The following DPRX variants were observed in gnomAD, a reference collection of about 807,000 sequenced individuals.
The protein encoded by DPRX is divergent paired-related homeobox.
A neutral mutation model predicts 8.4 loss-of-function variants in DPRX; 11 were observed. The observed-to-expected ratio is 1.31, with a 90% CI of 0.82 to 2.17. The LOEUF (loss-of-function observed/expected upper bound fraction) is 2.17, where lower values mean the gene tolerates loss of function less well. Among genes scored for constraint, DPRX ranks in the 30% most tolerant of loss-of-function variants. The probability of loss-of-function intolerance (pLI) is 0.00; values close to 1 mark genes in which losing one functional copy is unlikely to be tolerated. For synonymous variants in DPRX, 72 were observed against 87.0 expected (o/e 0.83, Z 0.96); for missense variants, 211 against 236.7 (o/e 0.89, Z 0.71).
chr19:53,630,371 C>A (rs975986041), upstream of DPRX, among the ~76,000 whole-genome samples: 1 of 151,952 alleles, frequency 6.6e-6, no homozygotes, highest in Non-Finnish European at 1.5e-5. Context: ...ACTAGCCTAG[C>A]CAAAATCCCT....
chr19:53,620,559 T>C, the DPRX span, among the ~76,000 whole-genome samples: 11 of 151,720 alleles, frequency 7.3e-5, no homozygotes, highest in African/African-American at 2.7e-4. Flanking sequence ...GAGATGGGGT[T>C]TCACCATGTT....
In DPRX at chr19:53,634,695, TG is replaced by T; in HGVS notation, c.183+11del. 1 of 1,608,590 alleles carries T rather than the reference TG, an allele frequency of 6.2e-7. No homozygotes were observed. Among genetic ancestry groups the T allele is most frequent in the Non-Finnish European group, 8.5e-7 (1 of 1,178,298 alleles). On this transcript the variant is annotated intron_variant, in intron 2 of 2. Coordinates refer to ENST00000376650, the Ensembl canonical transcript of DPRX. The stretch of plus-strand genomic sequence containing the variant: ...CCCAACAGTACTGCAGGTTGGAAAA[TG>T]ATCCCTCTTCTCACTAAACTGCCTT...
chr19:53,610,317 C>A, the DPRX span, among the ~76,000 whole-genome samples: 1 of 96,612 alleles, frequency 1.0e-5, no homozygotes. Context: ...AAGACTCTGT[C>A]TCGAAAAAAG....
chr19:53,610,195 C>T, the DPRX span, among the ~76,000 whole-genome samples: 1 of 132,218 alleles, frequency 7.6e-6, no homozygotes, highest in Non-Finnish European at 1.6e-5. Context: ...GCATTTATGC[C>T]TGTAATCCCA....
chr19:53,601,464 C>T, the DPRX span: 140 of 400,730 alleles, frequency 3.5e-4, no homozygotes, highest in East Asian at 1.5e-3. Context: ...CTGTTGCAGT[C>T]GCATATTCAA....
chr19:53,602,684 G>T, the DPRX span, among the ~76,000 whole-genome samples: 4 of 151,838 alleles, frequency 2.6e-5, no homozygotes, highest in African/African-American at 9.7e-5. Context: ...ACAGGCGTCT[G>T]CCACCGTGCT....
At chr19:53,617,930 G>A in the DPRX span, among the ~76,000 whole-genome samples, 1 of 151,976 alleles carries the variant, frequency 6.6e-6, no homozygotes, top group South Asian at 2.1e-4. Context: ...ACGAGGTCAG[G>A]AGTTCCAGAC....
chr19:53,617,621 T>G, the DPRX span, among the ~76,000 whole-genome samples: 1 of 145,032 alleles, frequency 6.9e-6, no homozygotes, highest in East Asian at 2.0e-4. Flanking sequence ...CTCCTGTCAA[T>G]GAAGTTTTAA....
At chr19:53,609,466 C>CAAAAAAAAAA in the DPRX span, among the ~76,000 whole-genome samples, 7 of 55,486 alleles carry the variant, frequency 1.3e-4, no homozygotes, top group Admixed American at 3.1e-4. Context: ...GACTCGGTCT[C>CAAAAAAAAAA]AAAAAAAAAA....
chr19:53,623,599 T>C, the DPRX span, among the ~76,000 whole-genome samples: 4 of 150,042 alleles, frequency 2.7e-5, no homozygotes, highest in African/African-American at 9.8e-5. Flanking sequence ...GATTGCACCA[T>C]TGCACTCCAA....
intron 1 of DPRX, among the ~76,000 whole-genome samples, chr19:53,632,713 G>A (rs1441861906): frequency 6.6e-6 from 1 of 152,118 alleles, no homozygotes; most frequent in Non-Finnish European, 1.5e-5. Flanking sequence ...CAAAGTGCTG[G>A]GATTACAGGC....
At chr19:53,613,017 A>G in the DPRX span, among the ~76,000 whole-genome samples, 1 of 152,130 alleles carries the variant, frequency 6.6e-6, no homozygotes, top group South Asian at 2.1e-4. Flanking sequence ...AGGGAAAATT[A>G]GAGTCAGAGA....
At chr19:53,618,164 GA>G in the DPRX span, among the ~76,000 whole-genome samples, 3 of 146,688 alleles carry the variant, frequency 2.0e-5, no homozygotes, top group South Asian at 2.2e-4. Context: ...AAGAAAGAAA[GA>G]AAGAAAAGAA....
chr19:53,636,829 C>T, exon 3 of DPRX: 1 of 1,614,110 alleles, frequency 6.2e-7, no homozygotes, highest in Non-Finnish European at 8.5e-7. Context: ...ACCTCAAGGT[C>T]CCTGCAAATG....
the DPRX span, among the ~76,000 whole-genome samples, chr19:53,602,765 C>T: frequency 6.6e-6 from 1 of 151,650 alleles, no homozygotes; most frequent in African/African-American, 2.4e-5. Context: ...GAACTCCTGA[C>T]CTTGTGATCC....
chr19:53,610,794 G>A, the DPRX span, among the ~76,000 whole-genome samples: 12 of 152,202 alleles, frequency 7.9e-5, no homozygotes, highest in Admixed American at 2.6e-4. Context: ...ATGTGTACCC[G>A]GAGACAATTC....
chr19:53,617,720 G>A, the DPRX span, among the ~76,000 whole-genome samples: 1 of 152,174 alleles, frequency 6.6e-6, no homozygotes, highest in South Asian at 2.1e-4. Flanking sequence ...GAAGTGTATT[G>A]AAGCTTGGAC....
At chr19:53,624,079 C>CTTT in the DPRX span, among the ~76,000 whole-genome samples, 24 of 93,286 alleles carry the variant, frequency 2.6e-4, 1 homozygote, top group African/African-American at 6.8e-4. Flanking sequence ...ATTGTTGTAC[C>CTTT]TTTTTTTTTT....
chr19:53,611,985 G>A, the DPRX span, among the ~76,000 whole-genome samples: 3 of 152,086 alleles, frequency 2.0e-5, no homozygotes, highest in African/African-American at 7.2e-5. Context: ...TCGGGAGGCT[G>A]AGACAGGAGA....
Sources: allele counts gnomAD v4.1 joint callset (sites outside exome capture counted in the v4.1 genomes callset), GRCh38; gene constraint gnomAD v4.1.1; transcripts MANE v1.5; gene names NCBI Gene and HGNC (gene_info 2026-07-23, HGNC 2026-07-21).